Variants in STK3 observed in about 807,000 individuals in gnomAD.
STK3 encodes serine/threonine-protein kinase 3.
STK3 carries 41 observed loss-of-function variants against 58.0 expected under a neutral mutation model. That is an observed-to-expected ratio of 0.71 (90% CI 0.55 to 0.92). STK3 has a LOEUF of 0.92. Ranked by LOEUF, STK3 falls within the 40% of genes least tolerant of loss-of-function variation. STK3 has a pLI of 0.00. For missense variants in STK3, 479 were observed against 602.7 expected, an observed-to-expected ratio of 0.79 and a Z score of 2.15; for synonymous variants, 170 against 191.0, an observed-to-expected ratio of 0.89 and a Z score of 0.91.
At chr8:98,504,418 T>G (rs1823879186) in intron 10 of STK3, among the ~76,000 whole-genome samples, 1 of 152,240 alleles carries the variant, frequency 6.6e-6, no homozygotes, top group Non-Finnish European at 1.5e-5. Flanking sequence ...ACGTGTGAAT[T>G]TGATCCTGTC....
intron 1 of STK3, among the ~76,000 whole-genome samples, chr8:98,799,385 A>C (rs955485605): frequency 1.3e-5 from 2 of 152,064 alleles, no homozygotes; most frequent in Non-Finnish European, 2.9e-5. Context: ...AAAGTCAGAG[A>C]GACACAGGGG....
chr8:98,429,235 G>A (rs1321499528), intron 3 of STK3: 8 of 1,613,868 alleles, frequency 5.0e-6, no homozygotes, highest in Middle Eastern at 1.6e-4. Flanking sequence ...TTTTACCGGC[G>A]CCAAAAGCAA....
chr8:98,877,416 C>A (rs1837593583), intron 3 of STK3, among the ~76,000 whole-genome samples: 1 of 152,040 alleles, frequency 6.6e-6, no homozygotes, highest in South Asian at 2.1e-4. Context: ...CTCCTAGGCT[C>A]ACTTAAAAAA....
chr8:98,594,272 C>T (rs568054823), intron 7 of STK3, among the ~76,000 whole-genome samples: 35 of 152,176 alleles, frequency 2.3e-4, no homozygotes, highest in Admixed American at 1.8e-3. Flanking sequence ...TGCCACTGCA[C>T]TCCAGCGGGG....
chr8:98,416,887 C>T (rs1430204366), intron 3 of STK3, among the ~76,000 whole-genome samples: 1 of 152,116 alleles, frequency 6.6e-6, no homozygotes, highest in Non-Finnish European at 1.5e-5. Flanking sequence ...TGCTTCTTCC[C>T]ACCCTCCCGA....
chr8:98,706,685 A>AT, intron 5 of STK3, 51 bp from the exon 6 acceptor site: 1 of 1,458,122 alleles, frequency 6.9e-7, no homozygotes, highest in Non-Finnish European at 9.1e-7. Context: ...CACAAAGGAA[A>AT]TCTGTATGCC....
chr8:98,901,744 G>A (rs780876848), intron 1 of STK3, among the ~76,000 whole-genome samples: 1 of 152,234 alleles, frequency 6.6e-6, no homozygotes, highest in Non-Finnish European at 1.5e-5. Context: ...GGGGAGGTCA[G>A]GGCAGCTTTC....
At chr8:98,525,865 T>C (rs10102594) in intron 10 of STK3, among the ~76,000 whole-genome samples, 35,700 of 151,738 alleles carry the variant, frequency 0.24, 5,194 homozygotes, top group South Asian at 0.37. Flanking sequence ...TGGTTTATTA[T>C]TACTTAAAAA....
intron 3 of STK3, among the ~76,000 whole-genome samples, chr8:98,851,716 T>G (rs958294649): frequency 6.6e-6 from 1 of 152,184 alleles, no homozygotes; most frequent in Non-Finnish European, 1.5e-5. Flanking sequence ...ATCCCAACAC[T>G]GTGGAAGGTA....
chr8:98,744,983 A>T (rs1759621869), intron 4 of STK3, among the ~76,000 whole-genome samples: 1 of 152,222 alleles, frequency 6.6e-6, no homozygotes, highest in Admixed American at 6.5e-5. Context: ...GTAGGTAAAA[A>T]GCCAGCCTAT....
intron 1 of STK3, among the ~76,000 whole-genome samples, chr8:98,795,913 A>G (rs1833141735): frequency 6.6e-6 from 1 of 152,232 alleles, no homozygotes; most frequent in Non-Finnish European, 1.5e-5. Context: ...TACAAGGAGA[A>G]CTATAAAACA....
chr8:98,841,169 T>A (rs1357357677), intron 3 of STK3, among the ~76,000 whole-genome samples: 1 of 152,236 alleles, frequency 6.6e-6, no homozygotes, highest in Non-Finnish European at 1.5e-5. Flanking sequence ...AGTGGCATCC[T>A]ATTATTTTTT....
chr8:98,353,038 A>G, the STK3 span, among the ~76,000 whole-genome samples: 5 of 152,264 alleles, frequency 3.3e-5, no homozygotes, highest in African/African-American at 1.2e-4. Context: ...GGTGATGCCA[A>G]GCAACCACTG....
intron 3 of STK3, among the ~76,000 whole-genome samples, chr8:98,762,389 GGGATTACA>G (rs1481094294): frequency 1.3e-5 from 2 of 152,128 alleles, no homozygotes; most frequent in Non-Finnish European, 2.9e-5. Context: ...CCCAGTAGCT[GGGATTACA>G]GGTGCCTGCC....
Position 98,805,789 on chromosome 8 carries a change from ATACAGGCCC to A in STK3, c.26+19717_26+19725del, listed in dbSNP as rs1288587317. ...GCAGCTATCTCTTCATGATGAGATA[ATACAGGCCC>A]TACCTCTATATCACCATTTTCTCTT... On this transcript the variant is annotated intron_variant, in intron 1 of 10. Transcript: ENST00000419617. Among the ~76,000 whole-genome samples the A allele has an allele frequency of 1.5e-3, 225 of 152,250 alleles. 1 individual carries two copies. The highest frequency in any genetic ancestry group is 5.2e-3 in the African/African-American group (215 of 41,548).
chr8:98,842,668 A>G lies in STK3; in HGVS notation c.110+40979T>C, dbSNP rs991500075. Among the ~76,000 whole-genome samples the G allele has an allele frequency of 4.6e-5, 7 of 152,090 alleles. No homozygotes were observed. In the East Asian group the frequency reaches 1.3e-3, roughly 29 times the overall value. ...ACTCCAGTCTGGGTAACAGAGTGAG[A>G]TCCTGTCTCAAAAACAAAACAAAAC... On this transcript the variant is annotated intron_variant, in intron 3 of 12. Coordinates refer to the STK3 transcript ENST00000523601.
At chr8:98,673,170 C>T (rs1244310186) in intron 6 of STK3, among the ~76,000 whole-genome samples, 4 of 152,160 alleles carry the variant, frequency 2.6e-5, no homozygotes. Flanking sequence ...TTATATAATT[C>T]CCTTTTCAAT....
intron 1 of STK3, among the ~76,000 whole-genome samples, chr8:98,813,608 C>A (rs1284009240): frequency 1.3e-5 from 2 of 152,120 alleles, no homozygotes; most frequent in African/African-American, 4.8e-5. Context: ...TTAAAAGAAG[C>A]TGAAATTTTC....
intron 1 of STK3, among the ~76,000 whole-genome samples, chr8:98,884,909 A>G (rs1452295954): frequency 6.6e-6 from 1 of 152,242 alleles, no homozygotes; most frequent in Non-Finnish European, 1.5e-5. Context: ...AAAACATTTT[A>G]TGATGCTGGG....
Sources: gnomAD v4.1 joint callset for allele counts (sites outside exome capture counted in the v4.1 genomes callset) on GRCh38, gnomAD v4.1.1 for gene constraint, MANE v1.5 for transcripts, NCBI Gene and HGNC (gene_info 2026-07-23, HGNC 2026-07-21) for gene names.